MYO15B: variants seen among roughly 807,000 people sequenced by gnomAD.
MYO15B encodes myosin XVB pseudogene.
Under a neutral mutation model 119.3 loss-of-function variants are expected in MYO15B, and 207 were observed. The observed-to-expected ratio is 1.73, with a 90% CI of 1.55 to 1.95. The LOEUF (loss-of-function observed/expected upper bound fraction) is 1.95, where lower values mean the gene tolerates loss of function less well. Ranked by LOEUF, MYO15B falls within the 30% of genes most tolerant of loss-of-function variation. The probability of loss-of-function intolerance (pLI) is 0.00; values close to 1 mark genes in which losing one functional copy is unlikely to be tolerated. For synonymous variants in MYO15B, 966 were observed against 498.9 expected, an observed-to-expected ratio of 1.94 and a Z score of -12.48; for missense variants, 2,264 against 1,203.1, an observed-to-expected ratio of 1.88 and a Z score of -13.04.
exon 9 of MYO15B, chr17:75,592,713 C>G (rs1432578369): frequency 4.3e-6 from 3 of 701,820 alleles, no homozygotes; most frequent in Non-Finnish European, 7.8e-6. Context: ...AAGGAGGATG[C>G]CCAGGACTTT....
exon 1 of MYO15B, chr17:75,588,797 C>A (rs1796552314): frequency 5.0e-6 from 2 of 398,606 alleles, no homozygotes; most frequent in Non-Finnish European, 8.9e-6. Context: ...CCGCTGGGGA[C>A]CGGACCTGGA....
At position 75,592,526 on chromosome 17, in the gene MYO15B, C is replaced by G; in HGVS notation, c.2814C>G (p.Tyr938Ter). Residue 938 changes from tyrosine to a stop codon, truncating the protein, a stop_gained, in exon 8 of 64, where the codon TAC becomes TAG. Coordinates refer to ENST00000645453, the Ensembl canonical transcript of MYO15B. LOFTEE classifies it high-confidence loss of function. ...TCTCCCTGCAGGGACCGGAGACTTA[C>G]TACTACCTCAACCAGGTCGGGGGAG... 1.6e-6 allele frequency: 1 copy of G among 606,958 alleles called. No individual in the cohort carries two copies. 37.6% of individuals were successfully genotyped at this position (606,958 alleles called of 1,614,324 possible).
chr17:75,612,097 C>A, intron 25 of MYO15B, 81 bp downstream of exon 25: 1 of 670,930 alleles, frequency 1.5e-6, no homozygotes, highest in South Asian at 1.6e-5. Flanking sequence ...GCGTTTTTTT[C>A]CCCGCTGTCA....
chr17:75,619,049 G>A lies in MYO15B; in HGVS notation c.6988-94G>A, dbSNP rs952626309. ...ATGGGGGCCAGGGCGCCCTCCATCG[G>A]CCTCCTCAGGTTTTCCTTCATGCAT... On this transcript the variant is annotated intron_variant, in intron 43 of 63. Coordinates refer to ENST00000645453, the Ensembl canonical transcript of MYO15B. The A allele has an allele frequency of 1.7e-5, 12 of 688,066 alleles. No homozygotes were observed. In the Admixed American group the frequency reaches 2.4e-4, roughly 14 times the overall value. 42.6% of individuals were successfully genotyped at this position (688,066 alleles called of 1,614,324 possible).
rs1488149097 is a variant in MYO15B at position 75,591,595 on chromosome 17, C to T, written c.2436-6C>T. On this transcript the variant is annotated splice_region_variant and splice_polypyrimidine_tract_variant and intron_variant, in intron 4 of 63. Transcript: ENST00000645453. ...CTGGAGACCCTACCAACCAACACAT[C>T]CTTAGCTCCTCCCACTGCAGTGGGC... is the stretch of plus-strand genomic sequence containing the variant. 1 of 702,876 alleles carries T rather than the reference C, an allele frequency of 1.4e-6. No homozygotes were observed. Among genetic ancestry groups the T allele is most frequent in the Non-Finnish European group, 2.6e-6 (1 of 384,950 alleles). The allele number at this position is 702,876 out of a possible 1,614,324, so 43.5% of individuals were successfully genotyped here.
At chr17:75,590,196 G>C in exon 1 of MYO15B, 1 of 399,138 alleles carries the variant, frequency 2.5e-6, no homozygotes, top group Non-Finnish European at 4.4e-6. Context: ...CCAAGGGCAG[G>C]AGCCTCGGAG....
exon 15 of MYO15B, chr17:75,601,511 T>C: frequency 1.4e-6 from 1 of 703,160 alleles, no homozygotes. Context: ...AAGCCCCGGC[T>C]GCCCCTGCCC....
At chr17:75,620,765 C>T (rs1302467664) in intron 49 of MYO15B, 129 bp downstream of exon 49, 1 of 700,430 alleles carries the variant, frequency 1.4e-6, no homozygotes, top group Admixed American at 2.0e-5. Context: ...GTGGCTGCCC[C>T]TCTGCCCGCT....
intron 52 of MYO15B, 61 bp downstream of exon 52, chr17:75,621,631 G>A (rs2058718003): frequency 4.4e-6 from 3 of 683,062 alleles, no homozygotes; most frequent in East Asian, 2.7e-5. Flanking sequence ...TGGGTGTCTG[G>A]TCCCCTTATC....
intron 23 of MYO15B, 78 bp from the exon 24 acceptor site, chr17:75,611,523 G>A (rs2058028775): frequency 5.9e-6 from 4 of 681,422 alleles, no homozygotes; most frequent in African/African-American, 1.8e-5. Flanking sequence ...TTATAATCTT[G>A]GGGTTGAGGG....
Position 75,615,052 on chromosome 17 carries a change from G to C in MYO15B, c.5641+10G>C. ...CAGGGCTACCCCATGGGTGAGTGAG[G>C]GGCTGATTCCTCACCCAGGGCCTCC... On this transcript the variant is annotated intron_variant, in intron 33 of 63. Coordinates refer to ENST00000645453, the Ensembl canonical transcript of MYO15B. 1.4e-6 allele frequency: 1 copy of C among 701,706 alleles called. No homozygotes were observed. Among genetic ancestry groups the C allele is most frequent in the South Asian group, 1.5e-5 (1 of 67,556 alleles). The allele number at this position is 701,706 out of a possible 1,614,324, so 43.5% of individuals were successfully genotyped here. A position where few individuals can be genotyped will look rare whatever the true frequency, so the allele number is the denominator to read the frequency against.
At chr17:75,593,091 G>A in intron 9 of MYO15B, 1 of 400,996 alleles carries the variant, frequency 2.5e-6, no homozygotes, top group South Asian at 4.3e-5. Context: ...CAGGCATGGT[G>A]GGTCACACCT....
intron 23 of MYO15B, among the ~76,000 whole-genome samples, 151 bp downstream of exon 23, chr17:75,611,110 C>T (rs1466192732): frequency 6.6e-6 from 1 of 152,052 alleles, no homozygotes; most frequent in Non-Finnish European, 1.5e-5. Flanking sequence ...GTGCTCTTGG[C>T]TCTTGGTTTC....
intron 43 of MYO15B, among the ~76,000 whole-genome samples, chr17:75,618,788 G>A (rs983968895): frequency 1.3e-5 from 2 of 152,154 alleles, no homozygotes; most frequent in Non-Finnish European, 2.9e-5. Flanking sequence ...ACCTCTGAAC[G>A]CTCCCAGGAG....
At chr17:75,620,337 C>T (rs139045226) in exon 48 of MYO15B, 313 of 702,926 alleles carry the variant, frequency 4.5e-4, no homozygotes, top group Middle Eastern at 1.8e-3. Context: ...AAGCTGCTGC[C>T]GGTGGCCACC....
chr17:75,615,061 C>T lies in MYO15B; in HGVS notation c.5641+19C>T. ...CCCATGGGTGAGTGAGGGGCTGATT[C>T]CTCACCCAGGGCCTCCGGGCCCGGC... On this transcript the variant is annotated intron_variant, in intron 33 of 63. Coordinates refer to ENST00000645453, the Ensembl canonical transcript of MYO15B. 1 of 699,808 alleles carries T rather than the reference C, an allele frequency of 1.4e-6. No individual in the cohort carries two copies. The allele number at this position is 699,808 out of a possible 1,614,324, so 43.3% of individuals were successfully genotyped here.
exon 64 of MYO15B, chr17:75,626,762 G>A (rs902376455): frequency 1.7e-5 from 9 of 543,892 alleles, no homozygotes; most frequent in African/African-American, 1.1e-4. Flanking sequence ...ATGCCCACCC[G>A]ACCCCAGGCT....
At chr17:75,595,849 C>A (rs1286852859) in intron 12 of MYO15B, among the ~76,000 whole-genome samples, 1 of 152,258 alleles carries the variant, frequency 6.6e-6, no homozygotes, top group Non-Finnish European at 1.5e-5. Flanking sequence ...CGCCTCAGGA[C>A]AGCCAGGAGG....
At chr17:75,599,321 T>A (rs1184763474) in intron 14 of MYO15B, among the ~76,000 whole-genome samples, 1 of 151,740 alleles carries the variant, frequency 6.6e-6, no homozygotes, top group Non-Finnish European at 1.5e-5. Context: ...GTTGCCCAGG[T>A]TGGAGTGCAG....
Sources: gnomAD v4.1 joint callset for allele counts (sites outside exome capture counted in the v4.1 genomes callset) on GRCh38, gnomAD v4.1.1 for gene constraint, MANE v1.5 for transcripts, NCBI Gene and HGNC (gene_info 2026-07-23, HGNC 2026-07-21) for gene names.